Variants in UBE4B observed in about 807,000 individuals in gnomAD.
UBE4B encodes ubiquitin conjugation factor E4 B.
A neutral mutation model predicts 148.1 loss-of-function variants in UBE4B; 27 were observed. That is an observed-to-expected ratio of 0.18 (90% CI 0.13 to 0.25). UBE4B has a LOEUF of 0.25. Among genes scored for constraint, UBE4B ranks in the 10% least tolerant of loss-of-function variants. The pLI, the probability that UBE4B is intolerant of heterozygous loss-of-function variation, is 1.00. For missense variants in UBE4B, 1,170 were observed against 1,662.4 expected (o/e 0.70, Z 5.15); for synonymous variants, 596 against 619.3 (o/e 0.96, Z 0.56).
chr1:10,180,012 A>G lies in UBE4B; in HGVS notation c.*56A>G. The G allele has an allele frequency of 6.2e-7, 1 of 1,608,614 alleles. No individual in the cohort carries two copies. Among genetic ancestry groups the G allele is most frequent in the Non-Finnish European group, 8.5e-7 (1 of 1,177,186 alleles). On this transcript the variant is annotated 3_prime_UTR_variant, in exon 28 of 28. Transcript: ENST00000343090. The stretch of plus-strand genomic sequence containing the variant: ...CAGCCAAGGCCAACGAGGCAAGCAG[A>G]AGCAGCGGCCGCAGCGAAGCTGCCG...
At chr1:10,171,971 C>T (rs1646346014) in intron 25 of UBE4B, among the ~76,000 whole-genome samples, 1 of 152,126 alleles carries the variant, frequency 6.6e-6, no homozygotes, top group African/African-American at 2.4e-5. Context: ...GTTCTTACCC[C>T]ATCTTTTTAA....
intron 2 of UBE4B, among the ~76,000 whole-genome samples, chr1:10,081,139 C>T (rs1455399480): frequency 3.9e-5 from 6 of 152,096 alleles, no homozygotes; most frequent in South Asian, 4.1e-4. Flanking sequence ...CTTGGCTCAC[C>T]GCAACCTCTA....
chr1:10,174,310 T>G (rs1469087476), intron 25 of UBE4B, among the ~76,000 whole-genome samples: 5 of 151,128 alleles, frequency 3.3e-5, no homozygotes, highest in Non-Finnish European at 7.4e-5. Flanking sequence ...GGAGAATAGC[T>G]TGAACCCGGG....
chr1:10,179,851 C>T, intron 27 of UBE4B, 44 bp from the exon 28 acceptor site: 1 of 1,604,856 alleles, frequency 6.2e-7, no homozygotes, highest in Non-Finnish European at 8.5e-7. Flanking sequence ...TCAGGAAGAG[C>T]CCTCCCATCT....
intron 25 of UBE4B, 106 bp from the exon 26 acceptor site, chr1:10,178,538 A>T: frequency 8.4e-7 from 1 of 1,194,074 alleles, no homozygotes. Flanking sequence ...GGGCTTTTTT[A>T]GTGGGGGAAA....
Position 10,105,574 on chromosome 1 carries a change from C to T in UBE4B, c.639C>T (p.Ser213=), listed in dbSNP as rs1256729972. ...GQILMEVLMM[S]TQTRDENPFA... is the part of the protein sequence containing the mutation. ...TTTTAATGGAAGTGCTAATGATGTC[C>T]ACTCAGACCAGAGATGAAAACCCAT... The change falls in exon 6 of 28, where the codon TCC becomes TCT. Residue 213 remains serine (S), a synonymous_variant. Transcript: ENST00000343090. 5.6e-6 allele frequency: 9 copies of T among 1,614,046 alleles called. No homozygotes were observed. The highest frequency in any genetic ancestry group is 5.0e-5 in the Admixed American group (3 of 59,998).
intron 3 of UBE4B, 57 bp downstream of exon 3, chr1:10,095,653 A>G (rs972161139): frequency 1.1e-5 from 18 of 1,605,920 alleles, no homozygotes; most frequent in South Asian, 3.3e-5. Context: ...AGAAAGATCC[A>G]TTCACTTTAG....
At chr1:10,090,438 CTT>C (rs2101865158) in intron 2 of UBE4B, among the ~76,000 whole-genome samples, 1 of 152,250 alleles carries the variant, frequency 6.6e-6, no homozygotes, top group South Asian at 2.1e-4. Context: ...GTGTTTTACT[CTT>C]TGCTCTGTTT....
chr1:10,124,230 C>G (rs184335036), intron 10 of UBE4B, among the ~76,000 whole-genome samples: 6 of 152,092 alleles, frequency 3.9e-5, no homozygotes, highest in Non-Finnish European at 7.4e-5. Flanking sequence ...GGCGCCGTCT[C>G]AGCTCACTGC....
rs752593191 is a variant in UBE4B, at chr1:10,040,121, C to CT, written c.24+6440dup. Among the ~76,000 whole-genome samples the CT allele has an allele frequency of 6.8e-3, 971 of 142,810 alleles. 9 individuals carry two copies. Among genetic ancestry groups the CT allele is most frequent in the African/African-American group, 0.021 (820 of 39,182 alleles). 93.7% of individuals were successfully genotyped at this position (142,810 alleles called of 152,430 possible). ...CAGATTTTGGAGAAAGCACATGTTT[C>CT]TTTTTTTTTTTTTCGTCTTTTGAGA... On this transcript the variant is annotated intron_variant, in intron 1 of 27. Coordinates refer to ENST00000343090, the MANE Select transcript of UBE4B (RefSeq NM_001105562.3).
chr1:10,177,991 C>T (rs909564087), intron 25 of UBE4B, among the ~76,000 whole-genome samples: 35 of 151,808 alleles, frequency 2.3e-4, no homozygotes, highest in African/African-American at 7.3e-4. Flanking sequence ...CCACGGTGGG[C>T]GCCTGACCTC....
At chr1:10,174,317 CG>C (rs1646383037) in intron 25 of UBE4B, among the ~76,000 whole-genome samples, 1 of 148,912 alleles carries the variant, frequency 6.7e-6, no homozygotes, top group African/African-American at 2.5e-5. Context: ...AGCTTGAACC[CG>C]GGAGGCAGAG....
At chr1:10,128,284 G>A (rs1375170351) in intron 11 of UBE4B, 1 of 152,164 alleles carries the variant, frequency 6.6e-6, no homozygotes, top group Admixed American at 6.5e-5. Context: ...AAAGACAGAG[G>A]CCTCCATTGT....
At chr1:10,064,416 A>G (rs1382766422) in intron 1 of UBE4B, among the ~76,000 whole-genome samples, 1 of 152,230 alleles carries the variant, frequency 6.6e-6, no homozygotes, top group Non-Finnish European at 1.5e-5. Flanking sequence ...ATTTCTATGC[A>G]TACGTGCAGT....
chr1:10,044,303 C>T lies in UBE4B; in HGVS notation c.24+10609C>T, dbSNP rs111742206. ...CTCCTGACCTCAAATGATCGGCTTGCCTCGGCCTCCCAAAGTGCTAGGATT... is the reference window on the plus strand; with the variant it reads ...CTCCTGACCTCAAATGATCGGCTTGTCTCGGCCTCCCAAAGTGCTAGGATT... On this transcript the variant is annotated intron_variant, in intron 1 of 27. Transcript: ENST00000343090. Among the ~76,000 whole-genome samples the T allele has an allele frequency of 8.4e-3, 1,275 of 152,162 alleles. 24 individuals carry two copies. The highest frequency in any genetic ancestry group is 0.029 in the African/African-American group (1,203 of 41,512).
intron 6 of UBE4B, 25 bp downstream of exon 6, chr1:10,105,769 C>T (rs778339850): frequency 1.9e-6 from 3 of 1,601,646 alleles, no homozygotes; most frequent in Non-Finnish European, 2.6e-6. Context: ...CTTTGCACAT[C>T]TTACTGGTAG....
At chr1:10,169,178 C>T (rs1646301181) in intron 24 of UBE4B, among the ~76,000 whole-genome samples, 1 of 152,176 alleles carries the variant, frequency 6.6e-6, no homozygotes, top group Non-Finnish European at 1.5e-5. Context: ...GCCACCCCCA[C>T]CACAAAGTTG....
intron 25 of UBE4B, among the ~76,000 whole-genome samples, chr1:10,174,443 G>A (rs1646386137): frequency 6.6e-6 from 1 of 151,226 alleles, no homozygotes; most frequent in South Asian, 2.1e-4. Context: ...GCTCACACCT[G>A]TAATCCCAGC....
At chr1:10,176,647 T>C (rs1303885832) in intron 25 of UBE4B, among the ~76,000 whole-genome samples, 2 of 152,186 alleles carry the variant, frequency 1.3e-5, no homozygotes, top group Non-Finnish European at 2.9e-5. Context: ...TCAAATACCA[T>C]TGGACACCTT....
Sources: allele counts gnomAD v4.1 joint callset (sites outside exome capture counted in the v4.1 genomes callset), GRCh38; gene constraint gnomAD v4.1.1; transcripts MANE v1.5; gene names NCBI Gene and HGNC (gene_info 2026-07-23, HGNC 2026-07-21).